The following TBCE variants were observed in gnomAD, a reference collection of about 807,000 sequenced individuals.
The protein encoded by TBCE is tubulin folding cofactor E.
A neutral mutation model predicts 77.0 loss-of-function variants in TBCE; 53 were observed. The ratio of observed to expected loss-of-function variants is 0.69; its 90% confidence interval spans 0.55 to 0.87. TBCE has a LOEUF of 0.87. Among genes scored for constraint, TBCE ranks in the 40% least tolerant of loss-of-function variants. The pLI is 0.00. For missense variants in TBCE, 624 were observed against 622.4 expected (o/e 1.00, Z -0.03); for synonymous variants, 235 against 241.3 (o/e 0.97, Z 0.24).
At chr1:235,438,966 G>C in intron 13 of TBCE, 44 bp downstream of exon 13, 2 of 1,613,900 alleles carry the variant, frequency 1.2e-6, no homozygotes, top group East Asian at 4.5e-5. Flanking sequence ...TGGATTTCCA[G>C]CTGGAACAAA....
At chr1:235,391,976 A>G (rs1572347580) in intron 2 of TBCE, among the ~76,000 whole-genome samples, 1 of 151,642 alleles carries the variant, frequency 6.6e-6, no homozygotes. Context: ...AATACTTTAC[A>G]TTGTAATTCT....
chr1:235,448,982 T>G lies in TBCE; in HGVS notation c.*220T>G. The G allele has an allele frequency of 2.2e-6, 1 of 462,516 alleles. No homozygotes were observed. Among genetic ancestry groups the G allele is most frequent in the Non-Finnish European group, 4.0e-6 (1 of 251,562 alleles). 28.7% of individuals were successfully genotyped at this position (462,516 alleles called of 1,614,324 possible). On this transcript the variant is annotated 3_prime_UTR_variant, in exon 17 of 17. Coordinates refer to ENST00000642610, the MANE Select transcript of TBCE (RefSeq NM_003193.5). ...TGAACCTACTAATGATTTTCTGATC[T>G]TATTTCATATTTATTTTTACAGCTC...
rs1036361634 is a variant in TBCE, at chr1:235,374,547, C to T, written c.-31-5472C>T. Among the ~76,000 whole-genome samples, 6 of 145,980 alleles carry T rather than the reference C, an allele frequency of 4.1e-5. 1 individual carries two copies. Among genetic ancestry groups the T allele is most frequent in the African/African-American group, 1.6e-4 (6 of 37,788 alleles). ...ACTGAATCTCCCTCTGTCGCCCAGGCTGAAGTGCAGTGGTGCAATCTGGGC... is the reference window on the plus strand; with the variant it reads ...ACTGAATCTCCCTCTGTCGCCCAGGTTGAAGTGCAGTGGTGCAATCTGGGC... On this transcript the variant is annotated intron_variant, in intron 1 of 16. Transcript: ENST00000642610.
intron 1 of TBCE, among the ~76,000 whole-genome samples, chr1:235,371,510 G>C (rs951642635): frequency 4.0e-5 from 6 of 151,266 alleles, no homozygotes; most frequent in Non-Finnish European, 5.9e-5. Context: ...GAGTAGCTGG[G>C]ATTATACGCG....
At chr1:235,436,676 G>T (rs1416137681) in intron 11 of TBCE, 68 bp downstream of exon 11, 4 of 1,443,742 alleles carry the variant, frequency 2.8e-6, no homozygotes, top group Non-Finnish European at 2.9e-6. Context: ...GAGTTTGGAG[G>T]TTCCTTCTAC....
chr1:235,428,214 C>T (rs1367633181), intron 6 of TBCE, among the ~76,000 whole-genome samples: 1 of 152,000 alleles, frequency 6.6e-6, no homozygotes, highest in Non-Finnish European at 1.5e-5. Flanking sequence ...GTCCCAGCTC[C>T]TCGGGAGGCT....
At chr1:235,377,555 CAT>C (rs1677372005) in intron 1 of TBCE, among the ~76,000 whole-genome samples, 1 of 152,016 alleles carries the variant, frequency 6.6e-6, no homozygotes, top group Non-Finnish European at 1.5e-5. Flanking sequence ...AACTTAAAAT[CAT>C]ATAATGTGAG....
chr1:235,431,643 A>G (rs1234079910), intron 7 of TBCE, among the ~76,000 whole-genome samples: 2 of 148,594 alleles, frequency 1.3e-5, no homozygotes, highest in South Asian at 2.1e-4. Flanking sequence ...TTAGAGGTGT[A>G]AGCCACCGTG....
intron 2 of TBCE, 80 bp from the exon 3 acceptor site, chr1:235,401,423 A>C (rs1389726771): frequency 1.6e-6 from 2 of 1,226,306 alleles, no homozygotes; most frequent in Non-Finnish European, 2.4e-6. Flanking sequence ...TTCCGCTGCA[A>C]ATTGGTATTT....
At chr1:235,389,121 G>T (rs1480956396) in intron 2 of TBCE, among the ~76,000 whole-genome samples, 1 of 152,202 alleles carries the variant, frequency 6.6e-6, no homozygotes, top group African/African-American at 2.4e-5. Flanking sequence ...TGAAGACAGG[G>T]TGGCATATCA....
At chr1:235,401,826 C>CT (rs11285286) in intron 3 of TBCE, among the ~76,000 whole-genome samples, 1,670 of 88,516 alleles carry the variant, frequency 0.019, 48 homozygotes, top group African/African-American at 0.05. Context: ...TTTCTTCGTC[C>CT]TTTTTTTTTT....
At position 235,394,418 on chromosome 1, in the gene TBCE, C is replaced by CTTTTTTTTT. The variant is rs386370043; in HGVS notation, c.101-7068_101-7060dup. Among the ~76,000 whole-genome samples the CTTTTTTTTT allele has an allele frequency of 4.7e-4, 34 of 72,318 alleles. 1 individual carries two copies. Among genetic ancestry groups the CTTTTTTTTT allele is most frequent in the South Asian group, 6.6e-4 (1 of 1,512 alleles). The allele number at this position is 72,318 out of a possible 152,430, so 47.4% of individuals were successfully genotyped here. ...GACATTTGATAATTTTTGATAATTT[C>CTTTTTTTTT]TTTTTTTTTTTTTTTTTTTTTTTTT... On this transcript the variant is annotated intron_variant, in intron 2 of 16. Coordinates refer to ENST00000642610, the MANE Select transcript of TBCE (RefSeq NM_003193.5).
intron 1 of TBCE, among the ~76,000 whole-genome samples, chr1:235,374,416 T>A (rs1304029401): frequency 6.8e-6 from 1 of 146,316 alleles, no homozygotes; most frequent in South Asian, 2.1e-4. Flanking sequence ...TTTAAGGAGC[T>A]GGAAATGTTT....
intron 2 of TBCE, among the ~76,000 whole-genome samples, chr1:235,398,617 GTTTTC>G (rs1225801195): frequency 1.4e-5 from 2 of 141,642 alleles, no homozygotes; most frequent in East Asian, 2.0e-4. Context: ...TATTTGTGGT[GTTTTC>G]TTTTTTTTTT....
chr1:235,441,772 G>A, intron 13 of TBCE, 42 bp from the exon 14 acceptor site: 1 of 1,562,124 alleles, frequency 6.4e-7, no homozygotes, highest in South Asian at 1.1e-5. Flanking sequence ...TACTTATAGT[G>A]GCCTTTGGTT....
intron 3 of TBCE, among the ~76,000 whole-genome samples, chr1:235,412,834 G>T (rs1392335992): frequency 6.6e-6 from 1 of 151,976 alleles, no homozygotes; most frequent in East Asian, 1.9e-4. Context: ...ATGGAGTTTT[G>T]CTCTTGTTGC....
In TBCE at chr1:235,448,345, A is replaced by G; in HGVS notation, c.1400-4A>G. On this transcript the variant is annotated splice_region_variant and splice_polypyrimidine_tract_variant and intron_variant, in intron 15 of 16. Transcript: ENST00000642610. ...ACGAATGGACTTTTCTTGTCTTTTG[A>G]TAGGCTCCATGACAATTCAAAAGGT... The G allele has an allele frequency of 6.2e-7, 1 of 1,613,544 alleles. No individual in the cohort carries two copies. Among genetic ancestry groups the G allele is most frequent in the South Asian group, 1.1e-5 (1 of 91,072 alleles).
chr1:235,415,513 C>CTGGTGGCCACTGTGAGGATAAAT (rs1680061663), intron 4 of TBCE: 1 of 152,166 alleles, frequency 6.6e-6, no homozygotes, highest in South Asian at 2.1e-4. Context: ...GTAAGGACCC[C>CTGGTGGCCACTGTGAGGATAAAT]TGGTGGCCAC....
intron 1 of TBCE, 63 bp from the exon 2 acceptor site, chr1:235,379,947 CAAAAAAAAA>C (rs36068852): frequency 1.4e-6 from 1 of 728,582 alleles, no homozygotes; most frequent in Non-Finnish European, 2.1e-6. Flanking sequence ...GACTGTGCCT[CAAAAAAAAA>C]AAAAAAAATT....
Sources: gnomAD v4.1 joint callset for allele counts (sites outside exome capture counted in the v4.1 genomes callset) on GRCh38, gnomAD v4.1.1 for gene constraint, MANE v1.5 for transcripts, NCBI Gene and HGNC (gene_info 2026-07-23, HGNC 2026-07-21) for gene names.